Variants in STARD13 observed in about 807,000 individuals in gnomAD.
STARD13 encodes the protein StAR related lipid transfer domain containing 13.
A neutral mutation model predicts 106.4 loss-of-function variants in STARD13; 62 were observed. The observed-to-expected ratio is 0.58, with a 90% CI of 0.48 to 0.72. The LOEUF is 0.72. Ranked by LOEUF, STARD13 falls within the 30% of genes least tolerant of loss-of-function variation. The pLI is 0.00. For missense variants in STARD13, 1,387 were observed against 1,424.0 expected (o/e 0.97, Z 0.42); for synonymous variants, 565 against 553.0 (o/e 1.02, Z -0.31).
At chr13:33,264,392 A>G (rs1419778594) in intron 1 of STARD13, among the ~76,000 whole-genome samples, 1 of 152,220 alleles carries the variant, frequency 6.6e-6, no homozygotes, top group Non-Finnish European at 1.5e-5. Context: ...TGCCCAAACA[A>G]TGTGCTCCCT....
chr13:33,233,878 C>T (rs2138220550), intron 1 of STARD13, among the ~76,000 whole-genome samples: 2 of 152,272 alleles, frequency 1.3e-5, no homozygotes, highest in African/African-American at 4.8e-5. Context: ...GCAGCCGGAG[C>T]AGCCAGCCGG....
chr13:33,499,520 T>TTCTTCTTCTTCTTCTTCC, the STARD13 span, among the ~76,000 whole-genome samples: 5 of 48,574 alleles, frequency 1.0e-4, 1 homozygote, highest in African/African-American at 2.7e-4. Flanking sequence ...TCTTCTTTCT[T>TTCTTCTTCTTCTTCTTCC]TCTTCTTCTT....
the STARD13 span, among the ~76,000 whole-genome samples, chr13:33,528,991 T>C: frequency 6.6e-6 from 1 of 152,192 alleles, no homozygotes; most frequent in Non-Finnish European, 1.5e-5. Context: ...ATACTAATTA[T>C]ATTTATTCAT....
chr13:33,183,247 A>T (rs114352540), intron 1 of STARD13, among the ~76,000 whole-genome samples: 3,337 of 152,256 alleles, frequency 0.022, 123 homozygotes, highest in African/African-American at 0.073. Context: ...TCTTTGTACC[A>T]CTAGTGCCTA....
At chr13:33,229,905 C>T (rs917196283) in intron 1 of STARD13, among the ~76,000 whole-genome samples, 1 of 152,198 alleles carries the variant, frequency 6.6e-6, no homozygotes, top group Admixed American at 6.5e-5. Context: ...TCACAATTTG[C>T]AGGCTTTTTT....
chr13:33,189,060 T>C (rs1043280486), intron 1 of STARD13, among the ~76,000 whole-genome samples: 1 of 152,248 alleles, frequency 6.6e-6, no homozygotes, highest in African/African-American at 2.4e-5. Flanking sequence ...TTTGTATTTA[T>C]GCTTTTCTTT....
the STARD13 span, among the ~76,000 whole-genome samples, chr13:33,434,575 T>C: frequency 6.6e-6 from 1 of 152,240 alleles, no homozygotes; most frequent in African/African-American, 2.4e-5. Flanking sequence ...TCTTGGCTCA[T>C]GAAAGCTCTC....
the STARD13 span, among the ~76,000 whole-genome samples, chr13:33,463,940 G>A: frequency 2.6e-5 from 4 of 151,384 alleles, no homozygotes; most frequent in Non-Finnish European, 5.9e-5. Flanking sequence ...GAACCCAGGA[G>A]GCAGAGGTTG....
rs985821757 is a variant in STARD13, at chr13:33,128,950, G to T, written c.1727C>A (p.Ala576Asp). The T allele has an allele frequency of 6.2e-7, 1 of 1,612,892 alleles. No homozygotes were observed. The highest frequency in any genetic ancestry group is 8.5e-7 in the Non-Finnish European group (1 of 1,179,364). Residue 576 changes from alanine to aspartate, a missense_variant, in exon 5 of 14, where the codon GCC becomes GAC. Ala to Asp is a moderately radical substitution (Grantham distance 126). Coordinates refer to ENST00000336934, the MANE Select transcript of STARD13 (RefSeq NM_178006.4). ...VRDRRDSGVG[A>D]SLTRPNRRLR... ...CTACCTGTTTGGCCTGGTCAGAGAG[G>T]CCCCTACACCAGAATCCCTCCTGTC...
chr13:33,401,575 G>A, the STARD13 span, among the ~76,000 whole-genome samples: 5 of 152,172 alleles, frequency 3.3e-5, no homozygotes, highest in African/African-American at 1.2e-4. Context: ...TTAGACTTCA[G>A]GATAGTCCAG....
chr13:33,241,567 T>C (rs1395391337), intron 1 of STARD13, among the ~76,000 whole-genome samples: 2 of 140,572 alleles, frequency 1.4e-5, no homozygotes, highest in Non-Finnish European at 3.1e-5. Context: ...CTCTCCCCTT[T>C]GCACGGTCTC....
chr13:33,620,835 A>T, the STARD13 span, among the ~76,000 whole-genome samples: 1 of 151,168 alleles, frequency 6.6e-6, no homozygotes, highest in Non-Finnish European at 1.5e-5. Context: ...ATACATAGAA[A>T]TGCCAAAAAT....
the STARD13 span, among the ~76,000 whole-genome samples, chr13:33,370,619 CT>C: frequency 0.028 from 3,625 of 131,484 alleles, 66 homozygotes; most frequent in African/African-American, 0.094. Flanking sequence ...TTCTTTCTTT[CT>C]TTTTTTTTTT....
the STARD13 span, among the ~76,000 whole-genome samples, chr13:33,673,476 A>G: frequency 1.3e-5 from 2 of 151,892 alleles, no homozygotes; most frequent in Non-Finnish European, 2.9e-5. Context: ...TGATTTTGCC[A>G]TATTAGATAA....
chr13:33,403,796 C>CA, the STARD13 span, among the ~76,000 whole-genome samples: 3 of 152,102 alleles, frequency 2.0e-5, no homozygotes, highest in African/African-American at 4.8e-5. Flanking sequence ...TTTTCCCTCC[C>CA]AAAACTCATG....
chr13:33,478,451 T>C, the STARD13 span, among the ~76,000 whole-genome samples: 1 of 152,196 alleles, frequency 6.6e-6, no homozygotes, highest in Non-Finnish European at 1.5e-5. Flanking sequence ...TTTTTTAACA[T>C]TGATATTAAA....
chr13:33,606,762 T>A, the STARD13 span, among the ~76,000 whole-genome samples: 1 of 152,244 alleles, frequency 6.6e-6, no homozygotes, highest in Non-Finnish European at 1.5e-5. Flanking sequence ...AGTCTAACAC[T>A]GGTGTTATTG....
the STARD13 span, among the ~76,000 whole-genome samples, chr13:33,487,087 T>C: frequency 1.3e-5 from 2 of 152,218 alleles, no homozygotes; most frequent in African/African-American, 4.8e-5. Context: ...TCTATGACCT[T>C]GGGCAACTTA....
At chr13:33,579,131 C>G in the STARD13 span, among the ~76,000 whole-genome samples, 1 of 151,968 alleles carries the variant, frequency 6.6e-6, no homozygotes, top group South Asian at 2.1e-4. Flanking sequence ...TACCATTTGA[C>G]CCAGAAATCC....
Sources: gnomAD v4.1 joint callset for allele counts (sites outside exome capture counted in the v4.1 genomes callset) on GRCh38, gnomAD v4.1.1 for gene constraint, MANE v1.5 for transcripts, NCBI Gene and HGNC (gene_info 2026-07-23, HGNC 2026-07-21) for gene names.